Variants in PARP8 observed in about 807,000 individuals in gnomAD.
The protein encoded by PARP8 is protein mono-ADP-ribosyltransferase PARP8.
A neutral mutation model predicts 124.1 loss-of-function variants in PARP8; 51 were observed. The observed-to-expected ratio is 0.41, with a 90% CI of 0.33 to 0.52. The LOEUF (loss-of-function observed/expected upper bound fraction) is 0.52, where lower values mean the gene tolerates loss of function less well. Among genes scored for constraint, PARP8 ranks in the 20% least tolerant of loss-of-function variants. The probability of loss-of-function intolerance (pLI) is 0.21; values close to 1 mark genes in which losing one functional copy is unlikely to be tolerated. For synonymous variants in PARP8, 391 were observed against 361.5 expected (o/e 1.08, Z -0.93); for missense variants, 860 against 1,018.9 (o/e 0.84, Z 2.12).
At chr5:50,820,976 G>T (rs144892849) in intron 15 of PARP8, among the ~76,000 whole-genome samples, 1 of 152,174 alleles carries the variant, frequency 6.6e-6, no homozygotes, top group Non-Finnish European at 1.5e-5. Context: ...CATATAATGT[G>T]TGCCTTTGAA....
chr5:50,797,097 A>G (rs1364921612), intron 13 of PARP8, 41 bp from the exon 14 acceptor site: 4 of 1,609,550 alleles, frequency 2.5e-6, no homozygotes, highest in African/African-American at 1.3e-5. Flanking sequence ...TAAATCATTT[A>G]TGAGCTTGTC....
At chr5:50,676,262 A>C (rs925742027) in intron 2 of PARP8, among the ~76,000 whole-genome samples, 5 of 152,216 alleles carry the variant, frequency 3.3e-5, no homozygotes, top group Admixed American at 1.3e-4. Flanking sequence ...AGAAATGGAA[A>C]TTACTGATTC....
At chr5:50,743,818 A>C (rs1758284846) in intron 2 of PARP8, among the ~76,000 whole-genome samples, 1 of 152,158 alleles carries the variant, frequency 6.6e-6, no homozygotes, top group Admixed American at 6.5e-5. Context: ...ACTCCTAAGC[A>C]TCTTCGCTAG....
At position 50,668,129 on chromosome 5, in the gene PARP8, T is replaced by C. The variant is rs878965632; in HGVS notation, c.146+4T>C. 4.4e-6 allele frequency: 7 copies of C among 1,600,726 alleles called. No individual in the cohort carries two copies. In the South Asian group the frequency reaches 5.5e-5, roughly 13 times the overall value. Reference sequence around the variant, plus strand: ...CCTACGTTGGCGGCCCCAGAAGGTATTTATGTGTATAGAGTTGCTTCATTT... The same window carrying C: ...CCTACGTTGGCGGCCCCAGAAGGTACTTATGTGTATAGAGTTGCTTCATTT... On this transcript the variant is annotated splice_donor_region_variant and intron_variant, in intron 2 of 25. Transcript: ENST00000281631.
chr5:50,786,504 A>G (rs1741261207), intron 9 of PARP8, among the ~76,000 whole-genome samples: 2 of 151,508 alleles, frequency 1.3e-5, no homozygotes, highest in Non-Finnish European at 2.9e-5. Flanking sequence ...AGCTGGGACT[A>G]TAGGCATATG....
At chr5:50,710,885 T>C (rs533130620) in intron 2 of PARP8, among the ~76,000 whole-genome samples, 2 of 152,310 alleles carry the variant, frequency 1.3e-5, no homozygotes, top group Admixed American at 6.5e-5. Flanking sequence ...CTAGCCACAG[T>C]GTATCTGTTT....
At chr5:50,732,309 C>G in intron 2 of PARP8, among the ~76,000 whole-genome samples, 1 of 152,142 alleles carries the variant, frequency 6.6e-6, no homozygotes, top group Non-Finnish European at 1.5e-5. Context: ...AACCTTATAA[C>G]AAGCACAAAA....
chr5:50,755,644 G>A lies in PARP8; in HGVS notation c.185-3999G>A, dbSNP rs190325553. Among the ~76,000 whole-genome samples the A allele has an allele frequency of 1.7e-3, 256 of 152,202 alleles. 2 individuals carry two copies. Among genetic ancestry groups the A allele is most frequent in the Non-Finnish European group, 2.2e-3 (152 of 68,016 alleles). Reference sequence around the variant, plus strand: ...CCTCCAGCTTTGCTCTTTTTGCTTCGGATTGACTTGGCAATGCAGGCTGTT... The same window carrying A: ...CCTCCAGCTTTGCTCTTTTTGCTTCAGATTGACTTGGCAATGCAGGCTGTT... On this transcript the variant is annotated intron_variant, in intron 3 of 25. Transcript: ENST00000281631.
intron 14 of PARP8, among the ~76,000 whole-genome samples, 196 bp downstream of exon 14, chr5:50,797,429 A>G (rs1742684373): frequency 6.6e-6 from 1 of 152,212 alleles, no homozygotes; most frequent in Non-Finnish European, 1.5e-5. Context: ...TGATATTAGG[A>G]AAATGTTTCT....
chr5:50,797,135 C>T lies in PARP8; in HGVS notation c.1480-3C>T. On this transcript the variant is annotated splice_polypyrimidine_tract_variant and splice_region_variant and intron_variant, in intron 13 of 25. Coordinates refer to ENST00000281631, the MANE Select transcript of PARP8 (RefSeq NM_024615.4). Reference sequence around the variant, plus strand: ...AATTATTTTTCCTTACTGTTTTATTCAGACAATTGAGTTTGCTGAACAGCG... The same window carrying T: ...AATTATTTTTCCTTACTGTTTTATTTAGACAATTGAGTTTGCTGAACAGCG... The T allele has an allele frequency of 6.2e-7, 1 of 1,612,370 alleles. No homozygotes were observed. Among genetic ancestry groups the T allele is most frequent in the African/African-American group, 1.3e-5 (1 of 74,940 alleles).
chr5:50,770,367 T>TAG (rs1761481723), intron 7 of PARP8, among the ~76,000 whole-genome samples: 1 of 152,168 alleles, frequency 6.6e-6, no homozygotes, highest in Non-Finnish European at 1.5e-5. Context: ...TCCTCATCAT[T>TAG]CAGTTTAGTG....
chr5:50,816,229 G>T (rs919812648), intron 15 of PARP8, among the ~76,000 whole-genome samples: 1 of 152,122 alleles, frequency 6.6e-6, no homozygotes, highest in Non-Finnish European at 1.5e-5. Flanking sequence ...TTTAATGTAT[G>T]TTAAAGTAGG....
intron 7 of PARP8, among the ~76,000 whole-genome samples, chr5:50,771,582 C>G (rs1174332575): frequency 6.6e-6 from 1 of 152,198 alleles, no homozygotes; most frequent in Non-Finnish European, 1.5e-5. Context: ...CATTCCTTTT[C>G]TTATTAAATT....
chr5:50,815,837 T>C (rs917839530), intron 15 of PARP8, among the ~76,000 whole-genome samples: 1 of 152,194 alleles, frequency 6.6e-6, no homozygotes, highest in Non-Finnish European at 1.5e-5. Context: ...TAAAATTTAT[T>C]TGTAAAGATA....
At chr5:50,761,147 G>A (rs552247170) in intron 5 of PARP8, among the ~76,000 whole-genome samples, 2 of 152,172 alleles carry the variant, frequency 1.3e-5, no homozygotes, top group East Asian at 3.9e-4. Context: ...GGATTCCTGT[G>A]TCCAAATACC....
chr5:50,726,304 G>A (rs1272234145), intron 2 of PARP8, among the ~76,000 whole-genome samples: 1 of 152,140 alleles, frequency 6.6e-6, no homozygotes, highest in Middle Eastern at 3.4e-3. Flanking sequence ...TAAGTGCGTA[G>A]TACAAAAAAG....
At chr5:50,775,806 A>T (rs1580302348) in intron 7 of PARP8, among the ~76,000 whole-genome samples, 1 of 152,148 alleles carries the variant, frequency 6.6e-6, no homozygotes, top group Admixed American at 6.5e-5. Context: ...TGGAGCCTTT[A>T]GAGTTTTTTA....
chr5:50,754,496 C>T (rs562420462), intron 3 of PARP8, among the ~76,000 whole-genome samples: 1 of 151,910 alleles, frequency 6.6e-6, no homozygotes, highest in Non-Finnish European at 1.5e-5. Context: ...ATCCATGTCC[C>T]TACAAAGGAC....
At chr5:50,814,562 A>G (rs1199207420) in intron 14 of PARP8, among the ~76,000 whole-genome samples, 1 of 152,078 alleles carries the variant, frequency 6.6e-6, no homozygotes, top group Non-Finnish European at 1.5e-5. Flanking sequence ...TTGTATTTGG[A>G]CAGGCTTTCT....
Sources: allele counts gnomAD v4.1 joint callset (sites outside exome capture counted in the v4.1 genomes callset), GRCh38; gene constraint gnomAD v4.1.1; transcripts MANE v1.5; gene names NCBI Gene and HGNC (gene_info 2026-07-23, HGNC 2026-07-21).